The following ANKFN1 variants were observed in gnomAD, a reference collection of about 807,000 sequenced individuals.
ANKFN1 encodes the protein ankyrin repeat and fibronectin type III domain containing 1.
Under a neutral mutation model 108.7 loss-of-function variants are expected in ANKFN1, and 74 were observed. The observed-to-expected ratio is 0.68, with a 90% CI of 0.56 to 0.83. The LOEUF is 0.83. ANKFN1 is among the 40% of genes least tolerant of loss of function. The pLI, the probability that ANKFN1 is intolerant of heterozygous loss-of-function variation, is 0.00. For synonymous variants in ANKFN1, 547 were observed against 516.2 expected (o/e 1.06, Z -0.81); for missense variants, 1,505 against 1,382.3 (o/e 1.09, Z -1.41).
chr17:56,308,109 G>T (rs1012743621), intron 3 of ANKFN1, among the ~76,000 whole-genome samples: 1 of 152,042 alleles, frequency 6.6e-6, no homozygotes, highest in Admixed American at 6.5e-5. Flanking sequence ...AGTGGGGAGG[G>T]ATAGCATTTG....
intron 1 of ANKFN1, among the ~76,000 whole-genome samples, chr17:56,197,281 CA>C (rs1913609049): frequency 6.6e-6 from 1 of 152,108 alleles, no homozygotes; most frequent in South Asian, 2.1e-4. Context: ...TTATCGATTA[CA>C]GTGGAACTTA....
chr17:56,272,770 A>G (rs2043825644), intron 3 of ANKFN1, among the ~76,000 whole-genome samples: 2 of 152,162 alleles, frequency 1.3e-5, no homozygotes, highest in South Asian at 4.1e-4. Context: ...TAGTGGTTTT[A>G]CCATTTTACA....
intron 4 of ANKFN1, among the ~76,000 whole-genome samples, chr17:56,090,329 T>A (rs1905389214): frequency 6.6e-6 from 1 of 151,300 alleles, no homozygotes; most frequent in Admixed American, 6.6e-5. Context: ...GCAAGCAGTA[T>A]GTCACCTGAA....
At chr17:56,184,786 C>T (rs1303662690) in intron 1 of ANKFN1, 1 of 152,148 alleles carries the variant, frequency 6.6e-6, no homozygotes, top group African/African-American at 2.4e-5. Context: ...GTGCTATTGT[C>T]TCATCTGAGA....
At chr17:56,440,253 A>C in intron 8 of ANKFN1, 74 bp from the exon 9 acceptor site, 1 of 869,514 alleles carries the variant, frequency 1.2e-6, no homozygotes, top group Non-Finnish European at 1.8e-6. Context: ...TAGAGTTTCT[A>C]TGGTACTTCT....
Position 56,156,730 on chromosome 17 carries a change from C to G in ANKFN1, c.-71+3200C>G, listed in dbSNP as rs77247202. On this transcript the variant is annotated intron_variant, in intron 1 of 20. Transcript: ENST00000682825. ...AGGTTCTTTGTTCCTGCCTCATGTT[C>G]TTTCTTTTACGCTTAGAGTTAGCAA... 2.2e-3 allele frequency among the ~76,000 whole-genome samples: 336 copies of G among 152,282 alleles called. 3 individuals are homozygous for G. The highest frequency in any genetic ancestry group is 7.8e-3 in the African/African-American group (325 of 41,572).
intron 3 of ANKFN1, among the ~76,000 whole-genome samples, chr17:56,274,469 C>T (rs2043869677): frequency 6.6e-6 from 1 of 151,984 alleles, no homozygotes; most frequent in South Asian, 2.1e-4. Context: ...CGAGACTCCG[C>T]CTCAAAAAAA....
intron 1 of ANKFN1, among the ~76,000 whole-genome samples, chr17:56,158,757 C>T (rs189416256): frequency 6.6e-4 from 101 of 152,014 alleles, no homozygotes; most frequent in Admixed American, 2.3e-3. Flanking sequence ...TGCTAAACAC[C>T]GCATGTATTT....
chr17:56,227,592 C>A (rs1384688627), intron 2 of ANKFN1, among the ~76,000 whole-genome samples: 1 of 152,062 alleles, frequency 6.6e-6, no homozygotes, highest in African/African-American at 2.4e-5. Context: ...ACTGAATGAG[C>A]CAGCCAGACT....
chr17:56,209,918 G>A (rs1053152136), intron 1 of ANKFN1, among the ~76,000 whole-genome samples: 2 of 152,122 alleles, frequency 1.3e-5, no homozygotes, highest in Admixed American at 1.3e-4. Context: ...AATATACAAT[G>A]TTTGGTTTTC....
intron 3 of ANKFN1, among the ~76,000 whole-genome samples, chr17:56,310,572 G>C (rs944246454): frequency 2.7e-5 from 4 of 150,744 alleles, no homozygotes; most frequent in Admixed American, 6.6e-5. Flanking sequence ...AGCCGAGATC[G>C]AGCCACTGCA....
intron 8 of ANKFN1, among the ~76,000 whole-genome samples, chr17:56,402,011 G>A (rs1330153001): frequency 1.3e-5 from 2 of 152,100 alleles, no homozygotes; most frequent in Non-Finnish European, 2.9e-5. Context: ...ACCTGCATAT[G>A]TTAAACCATC....
intron 19 of ANKFN1, among the ~76,000 whole-genome samples, chr17:56,498,202 C>T (rs1384407942): frequency 1.3e-5 from 2 of 151,992 alleles, no homozygotes; most frequent in Non-Finnish European, 2.9e-5. Flanking sequence ...TTTAGAAGCC[C>T]TTACTCTATA....
chr17:56,315,114 A>G (rs1033736648), intron 3 of ANKFN1, among the ~76,000 whole-genome samples: 13 of 152,076 alleles, frequency 8.5e-5, no homozygotes, highest in East Asian at 7.7e-4. Flanking sequence ...AACAGCCACA[A>G]TTTCTCCTGT....
intron 8 of ANKFN1, among the ~76,000 whole-genome samples, chr17:56,395,927 C>A (rs2047570065): frequency 6.6e-6 from 1 of 152,164 alleles, no homozygotes; most frequent in Non-Finnish European, 1.5e-5. Context: ...GTCTAACTCA[C>A]TTTTGCATCC....
intron 1 of ANKFN1, among the ~76,000 whole-genome samples, chr17:56,177,996 A>G (rs1307936858): frequency 6.6e-6 from 1 of 152,204 alleles, no homozygotes; most frequent in African/African-American, 2.4e-5. Context: ...TGCTAAAGAA[A>G]TTTACCAATT....
intron 4 of ANKFN1, among the ~76,000 whole-genome samples, chr17:56,049,284 A>G (rs1278199847): frequency 6.6e-6 from 1 of 152,230 alleles, no homozygotes; most frequent in Non-Finnish European, 1.5e-5. Context: ...CCCAGTGGCA[A>G]CCACACAGCA....
intron 4 of ANKFN1, among the ~76,000 whole-genome samples, chr17:56,050,081 A>G (rs1319020381): frequency 2.0e-5 from 3 of 151,878 alleles, no homozygotes; most frequent in East Asian, 3.9e-4. Flanking sequence ...AATGATTGCC[A>G]TTCTAACTGG....
In ANKFN1 at chr17:56,511,728, G is replaced by C. The variant is rs2051779561; in HGVS notation, c.*459G>C. The C allele has an allele frequency of 6.5e-6, 1 of 155,032 alleles. No homozygotes were observed. The highest frequency in any genetic ancestry group is 1.4e-5 in the Non-Finnish European group (1 of 70,114). 9.6% of individuals were successfully genotyped at this position (155,032 alleles called of 1,614,324 possible). On this transcript the variant is annotated 3_prime_UTR_variant, in exon 21 of 21. Transcript: ENST00000682825. The stretch of plus-strand genomic sequence containing the variant: ...CCATTCCAAACCTTAAGAAGAGTTT[G>C]AGGGAAAGACACCAGGTTGTGTCTC...
Sources: gnomAD v4.1 joint callset for allele counts (sites outside exome capture counted in the v4.1 genomes callset) on GRCh38, gnomAD v4.1.1 for gene constraint, MANE v1.5 for transcripts, NCBI Gene and HGNC (gene_info 2026-07-23, HGNC 2026-07-21) for gene names.